KRT40: variants seen among roughly 807,000 people sequenced by gnomAD.
KRT40 encodes keratin, type I cytoskeletal 40.
Under a neutral mutation model 43.5 loss-of-function variants are expected in KRT40, and 47 were observed. The observed-to-expected ratio is 1.08, with a 90% CI of 0.86 to 1.38. The LOEUF (loss-of-function observed/expected upper bound fraction) is 1.38, where lower values mean the gene tolerates loss of function less well. Ranked by LOEUF, KRT40 falls within the 40% of genes most tolerant of loss-of-function variation. The pLI is 0.00. For synonymous variants in KRT40, 212 were observed against 214.0 expected (o/e 0.99, Z 0.08); for missense variants, 573 against 523.6 (o/e 1.09, Z -0.92).
In KRT40 at chr17:40,978,842, G is replaced by C. The variant is rs1237888691; in HGVS notation, c.1158C>G (p.Ile386Met). The part of the protein sequence containing the change: ...LDVKARLEGE[I>M]NTYWGLLDSE... ...TGTCCAGCAGGCCCCAGTACGTGTT[G>C]ATCTCACCCTCCAGCCGGGCCTTCA... is the stretch of plus-strand genomic sequence containing the variant. Residue 386 changes from isoleucine to methionine, a missense_variant, in exon 6 of 7, where the codon ATC (isoleucine) becomes ATG (methionine). By Grantham distance (10) the Ile-to-Met change is conservative (BLOSUM62 1). Coordinates refer to ENST00000377755, the MANE Select transcript of KRT40 (RefSeq NM_001389244.1). 1.2e-6 allele frequency: 2 copies of C among 1,612,976 alleles called. No homozygotes were observed. Among genetic ancestry groups the C allele is most frequent in the African/African-American group, 2.7e-5 (2 of 74,866 alleles).
Position 40,978,804 on chromosome 17 carries a change from C to T in KRT40, c.1196G>A (p.Arg399Lys), listed in dbSNP as rs1174170434. 2 of 1,611,044 alleles carry T rather than the reference C, an allele frequency of 1.2e-6. No homozygotes were observed. Among genetic ancestry groups the T allele is most frequent in the Non-Finnish European group, 1.7e-6 (2 of 1,179,148 alleles). Residue 399 changes from arginine to lysine, a missense_variant and splice_region_variant, in exon 6 of 7, where the codon AGG becomes AAG. Arg to Lys is a conservative substitution (Grantham distance 26, BLOSUM62 2). Transcript: ENST00000377755. The stretch of plus-strand genomic sequence containing the variant: ...TTTCATGAGTAACTGTGGAACTTGC[C>T]TGCTGTCCTCGCTGTCCAGCAGGCC... ...YWGLLDSEDSRLSCSPCSTTC... is the reference protein window; with the variant it reads ...YWGLLDSEDSKLSCSPCSTTC...
At position 40,983,304 on chromosome 17, in the gene KRT40, C is replaced by A. The variant is rs559474908; in HGVS notation, c.448-176G>T. Among the ~76,000 whole-genome samples the A allele has an allele frequency of 1.2e-4, 18 of 152,144 alleles. 1 individual carries two copies. In the South Asian group the frequency reaches 3.7e-3, roughly 32 times the overall value. On this transcript the variant is annotated intron_variant, in intron 1 of 6. Transcript: ENST00000377755. ...ACTTCATGAAGAAAAAAAGCAGAGCCAATTTAGAAACAAAATAATGAAATA... is the reference window on the plus strand; with the variant it reads ...ACTTCATGAAGAAAAAAAGCAGAGCAAATTTAGAAACAAAATAATGAAATA...
intron 3 of KRT40, chr17:40,981,361 A>G (rs1211237413): frequency 4.3e-6 from 4 of 925,528 alleles, no homozygotes; most frequent in East Asian, 2.6e-5. Flanking sequence ...ATTTTTCCAG[A>G]AAGTTATTGT....
intron 6 of KRT40, among the ~76,000 whole-genome samples, 155 bp downstream of exon 6, chr17:40,978,649 T>C (rs548772255): frequency 1.4e-5 from 2 of 148,016 alleles, no homozygotes; most frequent in Non-Finnish European, 2.9e-5. Context: ...TCTAGTGTCA[T>C]GTTCTTAACC....
Position 40,984,168 on chromosome 17 carries a change from C to G in KRT40, c.106G>C (p.Gly36Arg). ...SCSVETACLPGTCATSRCQTP... is the reference protein window; with the variant it reads ...SCSVETACLPRTCATSRCQTP... ...TGACATCGGGATGTAGCACAGGTAC[C>G]GGGGAGACAAGCTGTTTCCACGGAG... The change falls in exon 1 of 7, where the codon GGT becomes CGT. Residue 36 changes from glycine to arginine, a missense_variant. By Grantham distance (125) the Gly-to-Arg change is moderately radical (BLOSUM62 -2). Coordinates refer to ENST00000377755, the MANE Select transcript of KRT40 (RefSeq NM_001389244.1). The G allele has an allele frequency of 6.2e-7, 1 of 1,613,966 alleles. No homozygotes were observed. The highest frequency in any genetic ancestry group is 8.5e-7 in the Non-Finnish European group (1 of 1,180,002).
In KRT40 at chr17:40,978,246, TCA is replaced by T. The variant is rs778744600; in HGVS notation, c.1245_1246del (p.Cys415Ter). The T allele has an allele frequency of 2.5e-6, 4 of 1,614,194 alleles. No individual in the cohort carries two copies. The highest frequency in any genetic ancestry group is 2.5e-6 in the Non-Finnish European group (3 of 1,180,028). Reference sequence around the variant, plus strand: ...GCAGATGACATAGGCTGAGCATGGCTCACAAGTGTTGCTCGAGGTGCATGTGG... The same window carrying T: ...GCAGATGACATAGGCTGAGCATGGCTCAAGTGTTGCTCGAGGTGCATGTGG... On this transcript the variant is annotated stop_gained and frameshift_variant, in exon 7 of 7. Coordinates refer to ENST00000377755, the MANE Select transcript of KRT40 (RefSeq NM_001389244.1). LOFTEE classifies it high-confidence loss of function.
Position 40,980,904 on chromosome 17 carries a change from C to G in KRT40, c.856G>C (p.Glu286Gln), listed in dbSNP as rs763683194. 1.9e-6 allele frequency: 3 copies of G among 1,613,894 alleles called. No individual in the cohort carries two copies. Among genetic ancestry groups the G allele is most frequent in the African/African-American group, 1.3e-5 (1 of 74,880 alleles). The change falls in exon 5 of 7, where the codon GAG becomes CAG. Residue 286 changes from glutamate to glutamine, a missense_variant. Transcript: ENST00000377755. Reference protein sequence around the residue: ...AEEWLAVQTEELNQQQLSSAE... With the variant: ...AEEWLAVQTEQLNQQQLSSAE... ...CTGGACAGTTGCTGCTGATTCAGCT[C>G]TTCTGTCTGAAACACAGACACCATT...
Position 40,983,979 on chromosome 17 carries a change from T to C in KRT40, c.295A>G (p.Arg99Gly), listed in dbSNP as rs1912322010. The C allele has an allele frequency of 6.2e-7, 1 of 1,613,976 alleles. No homozygotes were observed. Among genetic ancestry groups the C allele is most frequent in the African/African-American group, 1.3e-5 (1 of 74,906 alleles). ...ACCTTCTCCAGATAGCTGGCGAGTCTGTCATTCAGGAACTGCATCGTCTCC... is the reference window on the plus strand; with the variant it reads ...ACCTTCTCCAGATAGCTGGCGAGTCCGTCATTCAGGAACTGCATCGTCTCC... ...EKETMQFLND[R>G]LASYLEKVRS... Residue 99 changes from arginine to glycine, a missense_variant, in exon 1 of 7, where the codon AGA becomes GGA. Arg to Gly is a moderately radical substitution (Grantham distance 125). Transcript: ENST00000377755.
intron 2 of KRT40, 58 bp from the exon 3 acceptor site, chr17:40,982,521 G>A: frequency 7.2e-7 from 1 of 1,383,868 alleles, no homozygotes; most frequent in South Asian, 1.8e-5. Flanking sequence ...GCAAAGTGTG[G>A]GGATACATGG....
At position 40,984,169 on chromosome 17, in the gene KRT40, G is replaced by C; in HGVS notation, c.105C>G (p.Pro35=). 6.2e-7 allele frequency: 1 copy of C among 1,614,028 alleles called. No homozygotes were observed. Among genetic ancestry groups the C allele is most frequent in the Non-Finnish European group, 8.5e-7 (1 of 1,179,986 alleles). Reference sequence around the variant, plus strand: ...GACATCGGGATGTAGCACAGGTACCGGGGAGACAAGCTGTTTCCACGGAGC... The same window carrying C: ...GACATCGGGATGTAGCACAGGTACCCGGGAGACAAGCTGTTTCCACGGAGC... ...SSCSVETACL[P]GTCATSRCQT... The change falls in exon 1 of 7, where the codon CCC becomes CCG. Residue 35 remains proline (P), a synonymous_variant. Coordinates refer to ENST00000377755, the MANE Select transcript of KRT40 (RefSeq NM_001389244.1).
At chr17:40,985,952 A>G (rs1184110119), upstream of KRT40, among the ~76,000 whole-genome samples, 1 of 152,118 alleles carries the variant, frequency 6.6e-6, no homozygotes, top group African/African-American at 2.4e-5. Context: ...AATAAGAAAT[A>G]TTTCCTTCTG....
chr17:40,979,528 G>A (rs988917598), intron 5 of KRT40, among the ~76,000 whole-genome samples: 2 of 149,692 alleles, frequency 1.3e-5, no homozygotes, highest in East Asian at 3.9e-4. Flanking sequence ...GTTAATGTGC[G>A]TAAAGCATTT....
At chr17:40,985,451 A>G (rs953570467), upstream of KRT40, among the ~76,000 whole-genome samples, 1 of 152,346 alleles carries the variant, frequency 6.6e-6, no homozygotes, top group African/African-American at 2.4e-5. Context: ...AAAGGTGCAT[A>G]GAGAAAATTG....
At chr17:40,979,975 A>C (rs909486474) in intron 5 of KRT40, among the ~76,000 whole-genome samples, 1 of 152,182 alleles carries the variant, frequency 6.6e-6, no homozygotes, top group Admixed American at 6.5e-5. Flanking sequence ...ATCATTACAC[A>C]TTCTATGCAT....
chr17:40,978,094 G>T lies in KRT40; in HGVS notation c.*103C>A. 1.3e-6 allele frequency: 1 copy of T among 799,968 alleles called. No homozygotes were observed. The allele number at this position is 799,968 out of a possible 1,614,324, so 49.6% of individuals were successfully genotyped here. On this transcript the variant is annotated 3_prime_UTR_variant, in exon 7 of 7. Coordinates refer to ENST00000377755, the MANE Select transcript of KRT40 (RefSeq NM_001389244.1). ...TGGAGGGCAATTCCAGGATATGAGAGCCTCCTGGATTTGTGCTTCCGGTTT... is the reference window on the plus strand; with the variant it reads ...TGGAGGGCAATTCCAGGATATGAGATCCTCCTGGATTTGTGCTTCCGGTTT...
At position 40,984,000 on chromosome 17, in the gene KRT40, T is replaced by G. The variant is rs1912323666; in HGVS notation, c.274A>C (p.Thr92Pro). The change falls in exon 1 of 7, where the codon ACG (threonine) becomes CCG (proline). Residue 92 changes from threonine to proline, a missense_variant. Physicochemically the swap from Thr to Pro is conservative, Grantham distance 38. Transcript: ENST00000377755. ...AGTCTGTCATTCAGGAACTGCATCG[T>G]CTCCTTCTCATTGCTAGTGAACACC... ...DGVFTSNEKE[T>P]MQFLNDRLAS... 6.2e-7 allele frequency: 1 copy of G among 1,613,928 alleles called. No homozygotes were observed. Among genetic ancestry groups the G allele is most frequent in the Admixed American group, 1.7e-5 (1 of 59,964 alleles).
Position 40,983,036 on chromosome 17 carries a change from T to A in KRT40, c.530+10A>T. 8.9e-7 allele frequency: 1 copy of A among 1,122,314 alleles called. No individual in the cohort carries two copies. Among genetic ancestry groups the A allele is most frequent in the Middle Eastern group, 2.0e-4 (1 of 4,974 alleles). 69.5% of individuals were successfully genotyped at this position (1,122,314 alleles called of 1,614,324 possible). On this transcript the variant is annotated intron_variant, in intron 2 of 6. Transcript: ENST00000377755. ...AATAAATAAATAAAATAAAATTAAATTAAACTTACTTTGACTTAAAGTCAT... is the reference window on the plus strand; with the variant it reads ...AATAAATAAATAAAATAAAATTAAAATAAACTTACTTTGACTTAAAGTCAT...
chr17:40,982,304 T>C lies in KRT40; in HGVS notation c.687+3A>G, dbSNP rs1036866770. On this transcript the variant is annotated splice_donor_region_variant and intron_variant, in intron 3 of 6. Coordinates refer to ENST00000377755, the MANE Select transcript of KRT40 (RefSeq NM_001389244.1). ...CCTTCAGCGGAGTTGCCACTTTCCT[T>C]ACCTCTTCATGGTTTTTCTTAAGGC... The C allele has an allele frequency of 1.9e-6, 3 of 1,554,990 alleles. No homozygotes were observed. The highest frequency in any genetic ancestry group is 2.8e-5 in the African/African-American group (2 of 71,606).
At position 40,984,260 on chromosome 17, in the gene KRT40, C is replaced by A. The variant is rs371027402; in HGVS notation, c.14G>T (p.Cys5Phe). Residue 5 changes from cysteine (C) to phenylalanine (F), a missense_variant, in exon 1 of 7, where the codon TGC becomes TTC. Physicochemically the swap from Cys to Phe is radical, Grantham distance 205. Transcript: ENST00000377755. MTSD[C>F]SSTHCSPESC... ...CTCAGGAGAGCAGTGTGTGGAGGAG[C>A]AGTCAGAAGTCATCCTTCCAGAAGC... is the stretch of plus-strand genomic sequence containing the variant. 1.9e-6 allele frequency: 3 copies of A among 1,605,868 alleles called. No individual in the cohort carries two copies. The highest frequency in any genetic ancestry group is 2.6e-6 in the Non-Finnish European group (3 of 1,173,926).
Sources: allele counts gnomAD v4.1 joint callset (sites outside exome capture counted in the v4.1 genomes callset), GRCh38; gene constraint gnomAD v4.1.1; transcripts MANE v1.5; gene names NCBI Gene and HGNC (gene_info 2026-07-23, HGNC 2026-07-21).